SPARCL1: variants seen among roughly 807,000 people sequenced by gnomAD.
SPARCL1 encodes SPARC-like protein 1.
SPARCL1 carries 52 observed loss-of-function variants against 67.1 expected under a neutral mutation model. That is an observed-to-expected ratio of 0.78 (90% CI 0.62 to 0.98). The LOEUF is 0.98. Ranked by LOEUF, SPARCL1 falls within the 50% of genes least tolerant of loss-of-function variation. SPARCL1 has a pLI of 0.00. For missense variants in SPARCL1, 717 were observed against 782.4 expected (o/e 0.92, Z 1.00); for synonymous variants, 226 against 267.8 (o/e 0.84, Z 1.52).
At chr4:87,524,156 T>G (rs1347226388) in intron 1 of SPARCL1, among the ~76,000 whole-genome samples, 1 of 152,220 alleles carries the variant, frequency 6.6e-6, no homozygotes, top group African/African-American at 2.4e-5. Flanking sequence ...TAATGAAAGA[T>G]AAGATGTTTT....
chr4:87,505,251 T>C (rs7666186), intron 1 of SPARCL1, among the ~76,000 whole-genome samples: 68,423 of 151,938 alleles, frequency 0.45, 16,098 homozygotes, highest in East Asian at 0.75. Flanking sequence ...ATTGTATGAA[T>C]CCTAAATTGC....
At chr4:87,506,097 A>G (rs1239706130) in intron 1 of SPARCL1, among the ~76,000 whole-genome samples, 1 of 152,102 alleles carries the variant, frequency 6.6e-6, no homozygotes, top group African/African-American at 2.4e-5. Context: ...GACAAACAAA[A>G]ATGTCTCCAG....
At chr4:87,524,292 C>T (rs543566527) in intron 1 of SPARCL1, among the ~76,000 whole-genome samples, 8 of 152,040 alleles carry the variant, frequency 5.3e-5, no homozygotes. Flanking sequence ...ATTCTGAGGC[C>T]TCTATTCATT....
chr4:87,492,417 CAAA>C (rs1217416962), intron 4 of SPARCL1, among the ~76,000 whole-genome samples: 5 of 75,220 alleles, frequency 6.6e-5, no homozygotes, highest in Admixed American at 1.6e-4. Context: ...GACTCCGTCT[CAAA>C]AAAAAAAAAA....
At chr4:87,497,445 A>G (rs1578104308) in intron 2 of SPARCL1, among the ~76,000 whole-genome samples, 1 of 152,332 alleles carries the variant, frequency 6.6e-6, no homozygotes, top group African/African-American at 2.4e-5. Flanking sequence ...GAAGAAATGC[A>G]CACAAAAAAT....
chr4:87,476,480 T>C (rs1405689781), intron 10 of SPARCL1, among the ~76,000 whole-genome samples: 2 of 152,164 alleles, frequency 1.3e-5, no homozygotes, highest in Non-Finnish European at 2.9e-5. Flanking sequence ...ACCAGGAGAA[T>C]CCATCTTAAA....
chr4:87,515,980 G>C (rs1451775286), intron 1 of SPARCL1, among the ~76,000 whole-genome samples: 2 of 152,108 alleles, frequency 1.3e-5, no homozygotes, highest in Admixed American at 1.3e-4. Context: ...CTTGAATCTG[G>C]ACTGGGTTTA....
chr4:87,478,854 C>T, intron 10 of SPARCL1, among the ~76,000 whole-genome samples: 1 of 152,146 alleles, frequency 6.6e-6, no homozygotes, highest in East Asian at 1.9e-4. Context: ...AATTTAATTT[C>T]CTCCACTGCA....
At chr4:87,517,631 T>C (rs1211622655) in intron 1 of SPARCL1, among the ~76,000 whole-genome samples, 1 of 152,234 alleles carries the variant, frequency 6.6e-6, no homozygotes, top group Admixed American at 6.5e-5. Context: ...TGACTGCTCT[T>C]ATTTGAATTT....
chr4:87,489,488 G>A (rs756756844), intron 7 of SPARCL1, among the ~76,000 whole-genome samples: 6 of 152,174 alleles, frequency 3.9e-5, no homozygotes, highest in Non-Finnish European at 4.4e-5. Context: ...CTCTTTCTGC[G>A]TTGATCTCAC....
chr4:87,490,491 C>T, intron 6 of SPARCL1, 98 bp from the exon 7 acceptor site: 1 of 1,380,384 alleles, frequency 7.2e-7, no homozygotes, highest in Non-Finnish European at 9.8e-7. Context: ...AGCGCTGTGC[C>T]AAAGATGTGG....
rs978111479 is a variant in SPARCL1, at chr4:87,473,555, T to C, written c.*220A>G. 1 of 433,522 alleles carries C rather than the reference T, an allele frequency of 2.3e-6. No homozygotes were observed. The allele number at this position is 433,522 out of a possible 1,614,324, so 26.9% of individuals were successfully genotyped here. The stretch of plus-strand genomic sequence containing the variant: ...AAACTTCTGTTCACAATGTACAGTA[T>C]TTTGCATATGTTGACTTTACTTAAT... On this transcript the variant is annotated 3_prime_UTR_variant, in exon 11 of 11. Coordinates refer to ENST00000282470, the MANE Select transcript of SPARCL1 (RefSeq NM_004684.6).
Position 87,494,478 on chromosome 4 carries a change from T to C in SPARCL1, c.322A>G (p.Ser108Gly), listed in dbSNP as rs1429696065. Residue 108 changes from serine to glycine, a missense_variant, in exon 4 of 11, where the codon AGT becomes GGT. By Grantham distance (56) the Ser-to-Gly change is moderately conservative. Coordinates refer to ENST00000282470, the MANE Select transcript of SPARCL1 (RefSeq NM_004684.6). Reference protein sequence around the residue: ...KDQEDSDGHLSVNLEYAPTEG... With the variant: ...KDQEDSDGHLGVNLEYAPTEG... ...GTTGGTGCATACTCCAAATTCACAC[T>C]TAAGTGACCATCACTGTCCTCTTGA... The C allele has an allele frequency of 6.2e-7, 1 of 1,614,138 alleles. No individual in the cohort carries two copies. The highest frequency in any genetic ancestry group is 1.1e-5 in the South Asian group (1 of 91,078).
At chr4:87,520,268 T>TAAAAA in intron 1 of SPARCL1, among the ~76,000 whole-genome samples, 1 of 113,862 alleles carries the variant, frequency 8.8e-6, no homozygotes, top group Non-Finnish European at 1.8e-5. Context: ...AAAAAAAAAG[T>TAAAAA]TGTTGGGAAC....
Position 87,473,819 on chromosome 4 carries a change from A to G in SPARCL1, c.1967-16T>C, listed in dbSNP as rs1723449140. 1.9e-6 allele frequency: 3 copies of G among 1,591,698 alleles called. No individual in the cohort carries two copies. The highest frequency in any genetic ancestry group is 2.6e-6 in the Non-Finnish European group (3 of 1,162,310). On this transcript the variant is annotated splice_polypyrimidine_tract_variant and intron_variant, in intron 10 of 10. Coordinates refer to ENST00000282470, the MANE Select transcript of SPARCL1 (RefSeq NM_004684.6). ...TCTATGTCCTCTATAAAAAAACAAG[A>G]AGCAAAATGACACTTTTAGAAAGTA... is the stretch of plus-strand genomic sequence containing the variant.
chr4:87,477,781 G>A (rs140760619), intron 10 of SPARCL1, among the ~76,000 whole-genome samples: 183 of 152,292 alleles, frequency 1.2e-3, no homozygotes, highest in Non-Finnish European at 2.1e-3. Flanking sequence ...AGCCATCCAG[G>A]TTAGTTACTG....
intron 1 of SPARCL1, among the ~76,000 whole-genome samples, chr4:87,526,176 T>C (rs1726034362): frequency 6.6e-6 from 1 of 152,216 alleles, no homozygotes; most frequent in Non-Finnish European, 1.5e-5. Flanking sequence ...TTTGGTTTCC[T>C]TTGACTTGGC....
At chr4:87,494,855 G>A in intron 3 of SPARCL1, 126 bp downstream of exon 3, 1 of 877,260 alleles carries the variant, frequency 1.1e-6, no homozygotes, top group Non-Finnish European at 1.7e-6. Flanking sequence ...AGGCAGTTGA[G>A]GTGATCATCA....
chr4:87,506,569 G>C (rs182107378), intron 1 of SPARCL1, among the ~76,000 whole-genome samples: 17 of 152,236 alleles, frequency 1.1e-4, no homozygotes, highest in Middle Eastern at 3.4e-3. Context: ...TTGATATTCT[G>C]CTGTTGGATT....
Sources: allele counts gnomAD v4.1 joint callset (sites outside exome capture counted in the v4.1 genomes callset), GRCh38; gene constraint gnomAD v4.1.1; transcripts MANE v1.5; gene names NCBI Gene and HGNC (gene_info 2026-07-23, HGNC 2026-07-21).